TMCO6: variants seen among roughly 807,000 people sequenced by gnomAD.
TMCO6 encodes transmembrane and coiled-coil domain-containing protein 6.
A neutral mutation model predicts 61.8 loss-of-function variants in TMCO6; 47 were observed. The observed-to-expected ratio is 0.76, with a 90% CI of 0.60 to 0.97. TMCO6 has a LOEUF of 0.97. TMCO6 is among the 50% of genes least tolerant of loss of function. TMCO6 has a pLI of 0.00. For missense variants in TMCO6, 557 were observed against 601.6 expected (o/e 0.93, Z 0.78); for synonymous variants, 261 against 254.2 (o/e 1.03, Z -0.25).
At chr5:140,630,911 A>T in the TMCO6 span, among the ~76,000 whole-genome samples, 1 of 152,142 alleles carries the variant, frequency 6.6e-6, no homozygotes, top group African/African-American at 2.4e-5. Context: ...TCTCTGATGG[A>T]TGTGGCTGCC....
At chr5:140,604,645 A>T in the TMCO6 span, among the ~76,000 whole-genome samples, 4 of 152,056 alleles carry the variant, frequency 2.6e-5, no homozygotes, top group African/African-American at 9.7e-5. Context: ...TTCATTGCCA[A>T]ATCAGAGGTC....
At chr5:140,617,693 T>C in the TMCO6 span, among the ~76,000 whole-genome samples, 1 of 145,982 alleles carries the variant, frequency 6.9e-6, no homozygotes, top group Admixed American at 6.9e-5. Context: ...GAGATGATGC[T>C]ACTGCACTCT....
rs774739430 is a variant in TMCO6 at position 140,641,705 on chromosome 5, A to G, written c.239A>G (p.Glu80Gly). The G allele has an allele frequency of 1.9e-6, 3 of 1,614,156 alleles. No individual in the cohort carries two copies. The Admixed American group carries it at 5.0e-5, about 27-fold the overall frequency. ...FLRQAQRGTEEKEREGALVSL... is the reference protein window; with the variant it reads ...FLRQAQRGTEGKEREGALVSL... Reference sequence around the variant, plus strand: ...CGGCAAGCCCAGCGGGGGACAGAGGAAAAGGAGAGAGAGGGGGCTCTGGTC... The same window carrying G: ...CGGCAAGCCCAGCGGGGGACAGAGGGAAAGGAGAGAGAGGGGGCTCTGGTC... Residue 80 changes from glutamate to glycine, a missense_variant, in exon 3 of 12, where the codon GAA becomes GGA. Coordinates refer to ENST00000394671, the MANE Select transcript of TMCO6 (RefSeq NM_018502.5).
intron 4 of TMCO6, 60 bp from the exon 5 acceptor site, chr5:140,642,255 C>G: frequency 6.7e-7 from 1 of 1,498,656 alleles, no homozygotes; most frequent in Non-Finnish European, 9.1e-7. Flanking sequence ...CTCCCCATCT[C>G]CCCACACGCA....
At chr5:140,635,952 CT>C (rs908532912), upstream of TMCO6, among the ~76,000 whole-genome samples, 3 of 152,126 alleles carry the variant, frequency 2.0e-5, no homozygotes, top group African/African-American at 7.2e-5. Flanking sequence ...TGGCTGGGAA[CT>C]TTTTTCATCT....
the TMCO6 span, among the ~76,000 whole-genome samples, chr5:140,628,623 G>T: frequency 3.3e-5 from 5 of 152,094 alleles, no homozygotes; most frequent in Admixed American, 6.5e-5. Flanking sequence ...ATTTGCAGTA[G>T]AGACAGGTTT....
chr5:140,644,450 G>A, intron 10 of TMCO6, 123 bp from the exon 11 acceptor site: 1 of 1,183,598 alleles, frequency 8.4e-7, no homozygotes, highest in Non-Finnish European at 1.2e-6. Flanking sequence ...AGGAGTATGA[G>A]AACATGTATG....
chr5:140,627,666 A>G, the TMCO6 span, among the ~76,000 whole-genome samples: 6 of 152,160 alleles, frequency 3.9e-5, no homozygotes. Flanking sequence ...ATGTAAATAG[A>G]CAGACAGAAG....
At chr5:140,617,592 G>A in the TMCO6 span, among the ~76,000 whole-genome samples, 2 of 151,864 alleles carry the variant, frequency 1.3e-5, no homozygotes, top group Non-Finnish European at 2.9e-5. Context: ...AAAATTAGCC[G>A]GTGTGGTGGT....
downstream of TMCO6, among the ~76,000 whole-genome samples, chr5:140,646,849 G>A (rs2149802385): frequency 6.6e-6 from 1 of 152,252 alleles, no homozygotes; most frequent in Non-Finnish European, 1.5e-5. Context: ...CCTAACTAAT[G>A]AAGATTAAAT....
rs994259001 is a variant in TMCO6, at chr5:140,644,159, C to A, written c.1165C>A (p.Gln389Lys). 1 of 1,614,210 alleles carries A rather than the reference C, an allele frequency of 6.2e-7. No homozygotes were observed. The highest frequency in any genetic ancestry group is 8.5e-7 in the Non-Finnish European group (1 of 1,180,046). Reference protein sequence around the residue: ...LSLDLIEPLLQLLPVSNVVSV... With the variant: ...LSLDLIEPLLKLLPVSNVVSV... Reference sequence around the variant, plus strand: ...CCTGGATCTGATTGAGCCTCTCTTACAGCTGTTGCCAGTATCTAACGTGGT... The same window carrying A: ...CCTGGATCTGATTGAGCCTCTCTTAAAGCTGTTGCCAGTATCTAACGTGGT... Residue 389 changes from glutamine to lysine, a missense_variant, in exon 10 of 12, where the codon CAG becomes AAG. Coordinates refer to ENST00000394671, the MANE Select transcript of TMCO6 (RefSeq NM_018502.5).
the TMCO6 span, chr5:140,632,780 C>G: frequency 1.2e-6 from 2 of 1,613,550 alleles, no homozygotes; most frequent in Non-Finnish European, 1.7e-6. The surrounding 1 kb of genome is among the most constrained non-coding windows in gnomAD (Gnocchi z 6.2). Flanking sequence ...GCTTTAGAAA[C>G]GGCTCTAGGT....
chr5:140,635,217 G>T (rs1028645852), upstream of TMCO6, among the ~76,000 whole-genome samples: 4 of 152,222 alleles, frequency 2.6e-5, no homozygotes, highest in African/African-American at 7.2e-5. Flanking sequence ...ACTGGGCCAT[G>T]CCCTGGTGCC....
chr5:140,619,399 G>A, the TMCO6 span, among the ~76,000 whole-genome samples: 3 of 152,222 alleles, frequency 2.0e-5, no homozygotes, highest in East Asian at 5.8e-4. Flanking sequence ...GCTTGGGCAC[G>A]GAGGAAGGTG....
In TMCO6 at chr5:140,642,970, GC is replaced by G. The variant is rs1561952009; in HGVS notation, c.736del (p.Gln246AsnfsTer70). The stretch of plus-strand genomic sequence containing the variant: ...TCCCTCAGCACATGCTACAAATGTT[GC>G]AACCTGGCCCAAAGCTCAACCCTGG... Reference protein sequence around the residue: ...TLPQHMLQMLQPGPKLNPGVA... With the variant: ...TLPQHMLQMLXPGPKLNPGVA... On this transcript the variant is annotated frameshift_variant, in exon 7 of 12. Transcript: ENST00000394671. LOFTEE classifies it high-confidence loss of function. 2.5e-6 allele frequency: 4 copies of G among 1,614,158 alleles called. No individual in the cohort carries two copies. The highest frequency in any genetic ancestry group is 3.4e-6 in the Non-Finnish European group (4 of 1,180,036).
the TMCO6 span, chr5:140,632,874 T>C: frequency 6.2e-7 from 1 of 1,614,120 alleles, no homozygotes. The surrounding 1 kb of genome is among the most constrained non-coding windows in gnomAD (Gnocchi z 6.2). Flanking sequence ...TTCGGAGAAG[T>C]TGCAGACGCA....
At chr5:140,624,851 TCTTTC>T in the TMCO6 span, among the ~76,000 whole-genome samples, 1 of 113,882 alleles carries the variant, frequency 8.8e-6, no homozygotes, top group Admixed American at 9.0e-5. Flanking sequence ...TTTCTTTCTT[TCTTTC>T]TTTTTTTTTT....
chr5:140,616,692 A>G, the TMCO6 span, among the ~76,000 whole-genome samples: 1 of 152,250 alleles, frequency 6.6e-6, no homozygotes, highest in Non-Finnish European at 1.5e-5. Context: ...ATAAAAGGTT[A>G]ATAACTAGAA....
chr5:140,614,919 T>A, the TMCO6 span, among the ~76,000 whole-genome samples: 1 of 152,306 alleles, frequency 6.6e-6, no homozygotes, highest in East Asian at 1.9e-4. Context: ...TTTCAATACT[T>A]CTTTTAACAT....
Sources: gnomAD v4.1 joint callset for allele counts (sites outside exome capture counted in the v4.1 genomes callset) on GRCh38, gnomAD v4.1.1 for gene constraint, Gnocchi (gnomAD v3.1) non-coding constraint, MANE v1.5 for transcripts, NCBI Gene and HGNC (gene_info 2026-07-23, HGNC 2026-07-21) for gene names.